The following KCNMA1 variants were observed in gnomAD, a reference collection of about 807,000 sequenced individuals.
KCNMA1 encodes the protein Calcium-activated potassium channel subunit alpha-1.
KCNMA1 carries 29 observed loss-of-function variants against 140.0 expected under a neutral mutation model. The ratio of observed to expected loss-of-function variants is 0.21; its 90% CI spans 0.15 to 0.28. The LOEUF (loss-of-function observed/expected upper bound fraction) is 0.28. KCNMA1 is among the 10% of genes least tolerant of loss of function. The probability of loss-of-function intolerance (pLI) is 1.00; values close to 1 mark genes in which losing one functional copy is unlikely to be tolerated. For missense variants in KCNMA1, 880 were observed against 1,602.2 expected, an observed-to-expected ratio of 0.55 and a Z score of 7.70; for synonymous variants, 612 against 611.9, an observed-to-expected ratio of 1.00 and a Z score of 0.00.
At chr10:76,952,317 G>A (rs1455670707) in intron 21 of KCNMA1, among the ~76,000 whole-genome samples, 3 of 152,078 alleles carry the variant, frequency 2.0e-5, no homozygotes, top group African/African-American at 4.8e-5. Context: ...TCAAGAAATC[G>A]AGACCATCCT....
intron 6 of KCNMA1, among the ~76,000 whole-genome samples, chr10:77,117,560 A>AAAAAAAAAAAG (rs2097508215): frequency 6.7e-6 from 1 of 149,882 alleles, no homozygotes. Flanking sequence ...AAAAAAAAAA[A>AAAAAAAAAAAG]AAAAAGAAAA....
At chr10:77,372,297 G>A (rs1000097125) in intron 2 of KCNMA1, among the ~76,000 whole-genome samples, 2 of 152,098 alleles carry the variant, frequency 1.3e-5, no homozygotes, top group African/African-American at 2.4e-5. Context: ...TGTTCCCATC[G>A]CTGCCACTCC....
chr10:77,012,070 C>T (rs753290380), intron 17 of KCNMA1, 27 bp from the exon 18 acceptor site: 6 of 1,613,118 alleles, frequency 3.7e-6, no homozygotes, highest in Non-Finnish European at 4.2e-6. Flanking sequence ...GAAAAACTGA[C>T]ACGTTTCATA....
intron 25 of KCNMA1, among the ~76,000 whole-genome samples, chr10:76,900,605 T>G (rs4979875): frequency 0.051 from 7,778 of 152,210 alleles, 617 homozygotes; most frequent in African/African-American, 0.17. Context: ...TATAGCAAAC[T>G]GTTTAATCTC....
intron 2 of KCNMA1, among the ~76,000 whole-genome samples, chr10:77,399,696 G>A (rs1281707516): frequency 6.6e-6 from 1 of 152,188 alleles, no homozygotes; most frequent in Non-Finnish European, 1.5e-5. Context: ...CTGGTGAATG[G>A]CAATTATCAT....
intron 15 of KCNMA1, among the ~76,000 whole-genome samples, chr10:77,033,626 C>A (rs1191406469): frequency 6.6e-6 from 1 of 152,100 alleles, no homozygotes; most frequent in Non-Finnish European, 1.5e-5. Context: ...AAAGAAAAAA[C>A]CATGTGTTTG....
At chr10:77,152,617 A>G (rs887060326) in intron 5 of KCNMA1, among the ~76,000 whole-genome samples, 1 of 152,104 alleles carries the variant, frequency 6.6e-6, no homozygotes, top group African/African-American at 2.4e-5. Flanking sequence ...TGGGGCATTG[A>G]TCCAACACCT....
chr10:77,242,487 T>C (rs2057514797), intron 3 of KCNMA1, among the ~76,000 whole-genome samples: 1 of 152,180 alleles, frequency 6.6e-6, no homozygotes, highest in Non-Finnish European at 1.5e-5. Context: ...AAACATGTTA[T>C]AGCATCCAGC....
intron 1 of KCNMA1, among the ~76,000 whole-genome samples, chr10:77,510,913 T>G (rs935244602): frequency 2.0e-5 from 3 of 152,110 alleles, no homozygotes; most frequent in African/African-American, 7.2e-5. Flanking sequence ...TGGAAACACA[T>G]GGAAATAACA....
At chr10:77,493,503 C>T (rs3127447) in intron 1 of KCNMA1, among the ~76,000 whole-genome samples, 1 of 152,100 alleles carries the variant, frequency 6.6e-6, no homozygotes, top group Non-Finnish European at 1.5e-5. Flanking sequence ...TGAGAATGCA[C>T]GCCCAACTGA....
At chr10:77,150,054 C>T (rs1203893564) in intron 5 of KCNMA1, 1 of 152,100 alleles carries the variant, frequency 6.6e-6, no homozygotes, top group African/African-American at 2.4e-5. Context: ...AAATTTCTGC[C>T]ACAATATGAT....
intron 9 of KCNMA1, among the ~76,000 whole-genome samples, chr10:77,098,173 A>G (rs892578539): frequency 6.6e-6 from 1 of 152,300 alleles, no homozygotes; most frequent in South Asian, 2.1e-4. Flanking sequence ...TGTAGCCTAC[A>G]TGGAGCCTCA....
At position 76,914,901 on chromosome 10, in the gene KCNMA1, C is replaced by T. The variant is rs778667686; in HGVS notation, c.3016+35G>A. ...ATCCTGTATGGTTTGAAAGACAGAA[C>T]AAAAACTCCCCCCAAAGCTGACATT... On this transcript the variant is annotated intron_variant, in intron 24 of 27. Transcript: ENST00000286628. The T allele has an allele frequency of 2.9e-5, 42 of 1,470,110 alleles. 1 individual carries two copies. The Admixed American group carries it at 3.5e-4, about 12-fold the overall frequency. 91.1% of individuals were successfully genotyped at this position (1,470,110 alleles called of 1,614,324 possible).
chr10:77,071,864 G>A (rs1057327489), intron 14 of KCNMA1, among the ~76,000 whole-genome samples: 5 of 152,194 alleles, frequency 3.3e-5, no homozygotes, highest in African/African-American at 1.2e-4. Flanking sequence ...CGATTTGGCA[G>A]GTACGAAGGA....
At chr10:77,432,870 GGAA>G (rs1254148058) in intron 1 of KCNMA1, among the ~76,000 whole-genome samples, 1 of 152,218 alleles carries the variant, frequency 6.6e-6, no homozygotes, top group South Asian at 2.1e-4. Flanking sequence ...GGGCAGGGAG[GGAA>G]GAAGGAGAGG....
intron 1 of KCNMA1, among the ~76,000 whole-genome samples, chr10:77,476,079 C>A (rs1428992006): frequency 6.6e-6 from 1 of 152,172 alleles, no homozygotes; most frequent in African/African-American, 2.4e-5. Flanking sequence ...TCCTCCAGGC[C>A]GCACGGTGCT....
At chr10:77,381,164 G>A (rs2095368712) in intron 2 of KCNMA1, among the ~76,000 whole-genome samples, 1 of 152,096 alleles carries the variant, frequency 6.6e-6, no homozygotes, top group Non-Finnish European at 1.5e-5. Flanking sequence ...TGTGTTCCAG[G>A]AAATAAGTGT....
At chr10:77,607,743 C>T (rs964486908) in intron 1 of KCNMA1, among the ~76,000 whole-genome samples, 2 of 152,164 alleles carry the variant, frequency 1.3e-5, no homozygotes, top group South Asian at 2.1e-4. Flanking sequence ...GCCCTGCAGA[C>T]GCTTTGACTT....
At position 76,910,029 on chromosome 10, in the gene KCNMA1, G is replaced by C; in HGVS notation, c.3084C>G (p.Leu1028=). The C allele has an allele frequency of 6.2e-7, 1 of 1,614,074 alleles. No individual in the cohort carries two copies. Among genetic ancestry groups the C allele is most frequent in the Non-Finnish European group, 8.5e-7 (1 of 1,179,974 alleles). ...DDDDPDTELY[L]TQPFACGTAF... is the part of the protein sequence containing the mutation. ...CTGTCCCACAGGCAAAGGGCTGCGT[G>C]AGGTACAGTTCTGTATCAGGGTCAT... The change falls in exon 25 of 28, where the codon CTC becomes CTG. Residue 1028 remains leucine, a synonymous_variant. Transcript: ENST00000286628.
Sources: gnomAD v4.1 joint callset for allele counts (sites outside exome capture counted in the v4.1 genomes callset) on GRCh38, gnomAD v4.1.1 for gene constraint, MANE v1.5 for transcripts, NCBI Gene and HGNC (gene_info 2026-07-23, HGNC 2026-07-21) for gene names.